Variants in NBPF9 observed in about 807,000 individuals in gnomAD.
The protein encoded by NBPF9 is NBPF member 9, also known as NBPF family member NBPF9.
A neutral mutation model predicts 97.8 loss-of-function variants in NBPF9; 91 were observed. That is an observed-to-expected ratio of 0.93 (90% CI 0.79 to 1.11). The LOEUF (loss-of-function observed/expected upper bound fraction) is 1.11. Among genes scored for constraint, NBPF9 ranks in the 50% least tolerant of loss-of-function variants. The probability of loss-of-function intolerance (pLI) is 0.00; values close to 1 mark genes in which losing one functional copy is unlikely to be tolerated. For synonymous variants in NBPF9, 334 were observed against 359.5 expected (o/e 0.93, Z 0.80); for missense variants, 992 against 939.5 (o/e 1.06, Z -0.73).
chr1:149,072,621 A>C (rs782461771), intron 14 of NBPF9, 97 bp downstream of exon 14: 124 of 1,487,178 alleles, frequency 8.3e-5, no homozygotes, highest in Non-Finnish European at 1.1e-4. Flanking sequence ...TAGTGGAAAA[A>C]AACACCATTG....
intron 4 of NBPF9, among the ~76,000 whole-genome samples, chr1:149,097,700 A>G (rs1173286836): frequency 5.3e-5 from 8 of 152,008 alleles, no homozygotes; most frequent in Non-Finnish European, 1.2e-4. Flanking sequence ...GGTGGGTTCC[A>G]TGGGGTAGTG....
chr1:149,062,411 T>A (rs782662245), intron 21 of NBPF9, 146 bp from the exon 22 acceptor site: 2 of 678,566 alleles, frequency 2.9e-6, no homozygotes, highest in Non-Finnish European at 5.4e-6. Flanking sequence ...TGCCTTTAGG[T>A]TGGGATAGAC....
intron 12 of NBPF9, among the ~76,000 whole-genome samples, 193 bp downstream of exon 12, chr1:149,075,462 C>T (rs1300810382): frequency 6.6e-6 from 1 of 152,176 alleles, no homozygotes; most frequent in African/African-American, 2.4e-5. Flanking sequence ...CACCTGATTG[C>T]AAACATGGAA....
At chr1:149,078,802 G>A (rs1335335379) in intron 9 of NBPF9, among the ~76,000 whole-genome samples, 77,227 of 140,844 alleles carry the variant, frequency 0.55, 22,329 homozygotes, top group African/African-American at 0.62. Context: ...TCCATCAAGG[G>A]AGGAGGGACA....
chr1:149,063,389 G>T (rs1553650628), intron 20 of NBPF9, among the ~76,000 whole-genome samples: 1 of 137,304 alleles, frequency 7.3e-6, no homozygotes, highest in African/African-American at 2.8e-5. Flanking sequence ...CAGGTCCAAT[G>T]TCATGAGAGT....
exon 6 of NBPF9, chr1:149,082,380 C>T (rs1304673978): frequency 3.5e-6 from 5 of 1,448,554 alleles, no homozygotes; most frequent in Non-Finnish European, 4.6e-6. Flanking sequence ...GCCAGTAGCT[C>T]AGACTCTGAT....
chr1:149,052,224 A>G (rs1436577233), downstream of NBPF9, among the ~76,000 whole-genome samples: 5 of 151,910 alleles, frequency 3.3e-5, no homozygotes, highest in Admixed American at 6.6e-5. Flanking sequence ...AACACAAACC[A>G]TTAAAGAAAA....
exon 16 of NBPF9, chr1:149,071,083 G>A (rs782151683): frequency 7.5e-6 from 12 of 1,610,122 alleles, no homozygotes; most frequent in South Asian, 5.5e-5. Flanking sequence ...ATAAGTGATG[G>A]CACATTCCTC....
intron 27 of NBPF9, among the ~76,000 whole-genome samples, chr1:149,057,770 G>C (rs1376407963): frequency 1.0e-4 from 10 of 96,300 alleles, no homozygotes; most frequent in African/African-American, 3.8e-4. Flanking sequence ...GAGAGAGAGA[G>C]AGAGAACGAG....
exon 30 of NBPF9, chr1:149,055,666 A>C (rs782482286): frequency 1.2e-6 from 2 of 1,611,776 alleles, no homozygotes; most frequent in Non-Finnish European, 1.7e-6. Context: ...TTATTGTGGG[A>C]ATATGACTTC....
chr1:149,085,500 C>T (rs2080917788), intron 5 of NBPF9, among the ~76,000 whole-genome samples: 1 of 152,108 alleles, frequency 6.6e-6, no homozygotes, highest in Non-Finnish European at 1.5e-5. Context: ...TCTAAAATCT[C>T]CTACTAGAAA....
At chr1:149,071,775 G>C (rs1306960822) in intron 14 of NBPF9, 99 bp from the exon 15 acceptor site, 1 of 711,826 alleles carries the variant, frequency 1.4e-6, no homozygotes, top group African/African-American at 2.0e-5. Flanking sequence ...CTAGGCATGG[G>C]TCACCGTTCA....
At chr1:149,095,870 C>G (rs587658873) in intron 4 of NBPF9, among the ~76,000 whole-genome samples, 155 of 151,812 alleles carry the variant, frequency 1.0e-3, no homozygotes, top group African/African-American at 3.6e-3. Flanking sequence ...AGTGTACAGT[C>G]ACTTTGGAAA....
chr1:149,057,653 G>C (rs2078292505), intron 27 of NBPF9, 146 bp from the exon 28 acceptor site: 1 of 44,796 alleles, frequency 2.2e-5, no homozygotes, highest in Non-Finnish European at 4.5e-5. Context: ...TTGCCTTCAT[G>C]TTGGGACAGA....
intron 5 of NBPF9, among the ~76,000 whole-genome samples, chr1:149,084,330 A>G (rs1488006985): frequency 1.4e-5 from 2 of 147,868 alleles, no homozygotes; most frequent in African/African-American, 4.9e-5. Flanking sequence ...ATACACACAC[A>G]TGAATATATA....
In NBPF9 at chr1:149,055,682, G is replaced by A; in HGVS notation, c.3310C>T (p.Gln1104Ter). ...TATTGTGGGAATATGACTTCCATCT[G>A]GAACACCAGGTGGAGACTTGTCACC... Residue 1104 changes from glutamine (Q) to a stop codon, truncating the protein, a stop_gained, in exon 30 of 30, where the codon CAG (glutamine) becomes TAG (stop). Transcript: ENST00000584027. LOFTEE classifies it high-confidence loss of function. The A allele has an allele frequency of 6.2e-7, 1 of 1,611,914 alleles. No individual in the cohort carries two copies. The highest frequency in any genetic ancestry group is 8.5e-7 in the Non-Finnish European group (1 of 1,179,832).
intron 5 of NBPF9, among the ~76,000 whole-genome samples, chr1:149,084,161 G>T (rs2080772231): frequency 6.7e-6 from 1 of 148,874 alleles, no homozygotes; most frequent in South Asian, 2.1e-4. Context: ...ATGGGGTGAG[G>T]GCTGGGGGAG....
exon 9 of NBPF9, chr1:149,079,134 T>C: frequency 3.1e-6 from 4 of 1,307,722 alleles, no homozygotes; most frequent in Non-Finnish European, 3.3e-6. Flanking sequence ...GCTCATTCAA[T>C]GAGCGGGAGG....
chr1:149,072,932 C>A (rs587682997), exon 14 of NBPF9: 2 of 1,606,568 alleles, frequency 1.2e-6, no homozygotes, highest in Non-Finnish European at 1.7e-6. Flanking sequence ...CTTTATATTG[C>A]CTAAGGTGAG....
Sources: allele counts gnomAD v4.1 joint callset (sites outside exome capture counted in the v4.1 genomes callset), GRCh38; gene constraint gnomAD v4.1.1; transcripts MANE v1.5; gene names NCBI Gene and HGNC (gene_info 2026-07-23, HGNC 2026-07-21).